GRID2: variants seen among roughly 807,000 people sequenced by gnomAD.
GRID2 encodes glutamate receptor ionotropic, delta-2.
In GRID2, 33 loss-of-function variants were observed where a neutral mutation model predicts 114.8. That is an observed-to-expected ratio of 0.29 (90% CI 0.22 to 0.38). GRID2 has a LOEUF of 0.38. Ranked by LOEUF, GRID2 falls within the 10% of genes least tolerant of loss-of-function variation. The probability of loss-of-function intolerance (pLI) is 1.00; values close to 1 mark genes in which losing one functional copy is unlikely to be tolerated. For synonymous variants in GRID2, 505 were observed against 449.9 expected (o/e 1.12, Z -1.55); for missense variants, 1,184 against 1,257.7 (o/e 0.94, Z 0.89).
chr4:93,595,402 C>T (rs944041322), intron 13 of GRID2, among the ~76,000 whole-genome samples: 7 of 152,162 alleles, frequency 4.6e-5, no homozygotes, highest in African/African-American at 1.7e-4. Context: ...GAGCCAAACC[C>T]AGCCCTGTAT....
chr4:93,437,675 C>T (rs1163308912), intron 10 of GRID2, among the ~76,000 whole-genome samples: 1 of 152,102 alleles, frequency 6.6e-6, no homozygotes, highest in East Asian at 1.9e-4. Context: ...GAAAGGACTG[C>T]AATATACTGT....
At chr4:92,321,086 A>C (rs1233738266) in intron 1 of GRID2, among the ~76,000 whole-genome samples, 1 of 152,204 alleles carries the variant, frequency 6.6e-6, no homozygotes, top group Non-Finnish European at 1.5e-5. Flanking sequence ...TATGTTTTAT[A>C]GAATTTTGTG....
At chr4:93,482,744 A>C (rs894532902) in intron 11 of GRID2, among the ~76,000 whole-genome samples, 1 of 152,126 alleles carries the variant, frequency 6.6e-6, no homozygotes, top group Non-Finnish European at 1.5e-5. Flanking sequence ...TTGTAAATGG[A>C]ACAACTTACT....
intron 13 of GRID2, among the ~76,000 whole-genome samples, chr4:93,613,804 G>T (rs1472222850): frequency 6.6e-6 from 1 of 151,822 alleles, no homozygotes; most frequent in African/African-American, 2.4e-5. Flanking sequence ...AGCCTACAGA[G>T]GCAGGCAGGC....
At chr4:92,497,546 A>T (rs1425478425) in intron 1 of GRID2, among the ~76,000 whole-genome samples, 2 of 151,902 alleles carry the variant, frequency 1.3e-5, no homozygotes, top group East Asian at 3.9e-4. Flanking sequence ...AGATTGAATG[A>T]TCTTTTACAG....
chr4:93,424,476 T>A lies in GRID2; in HGVS notation c.1545+1508T>A, dbSNP rs150629976. On this transcript the variant is annotated intron_variant, in intron 10 of 15. Transcript: ENST00000282020. ...CAAACTCTGAATTTACAGGGTTTTT[T>A]AATGTTCATCATTTTAAAGTTGTGA... 5.1e-3 allele frequency among the ~76,000 whole-genome samples: 771 copies of A among 152,290 alleles called. 4 individuals carry two copies. Among genetic ancestry groups the A allele is most frequent in the African/African-American group, 0.017 (724 of 41,582 alleles).
intron 1 of GRID2, among the ~76,000 whole-genome samples, chr4:92,469,252 G>A (rs567124088): frequency 1.2e-4 from 18 of 151,966 alleles, no homozygotes; most frequent in South Asian, 4.2e-4. Context: ...TTTGTTTTTC[G>A]TTAAAAGATA....
chr4:92,748,642 T>G, intron 2 of GRID2, among the ~76,000 whole-genome samples: 1 of 134,264 alleles, frequency 7.4e-6, no homozygotes. Context: ...GTATTATTAT[T>G]ATTATTATTA....
intron 2 of GRID2, among the ~76,000 whole-genome samples, chr4:92,970,428 T>C (rs559355311): frequency 6.6e-6 from 1 of 152,122 alleles, no homozygotes; most frequent in Non-Finnish European, 1.5e-5. Context: ...AAAACTGCAA[T>C]TACTTTTGCG....
At chr4:93,468,329 A>T (rs980156832) in intron 11 of GRID2, among the ~76,000 whole-genome samples, 4 of 152,100 alleles carry the variant, frequency 2.6e-5, no homozygotes, top group African/African-American at 4.8e-5. Context: ...CATGGAGCTC[A>T]TCTTCTAGTA....
intron 10 of GRID2, among the ~76,000 whole-genome samples, chr4:93,437,646 T>C (rs1009731226): frequency 6.6e-6 from 1 of 152,128 alleles, no homozygotes; most frequent in African/African-American, 2.4e-5. Context: ...CTTCTTTCCA[T>C]AAAAAATTAA....
At chr4:93,781,382 C>T (rs1418530126) in intron 1 of GRID2, among the ~76,000 whole-genome samples, 1 of 149,232 alleles carries the variant, frequency 6.7e-6, no homozygotes, top group African/African-American at 2.5e-5. Flanking sequence ...ACCTGCTGGG[C>T]TGCGGTGAGG....
intron 2 of GRID2, among the ~76,000 whole-genome samples, chr4:92,755,855 G>A (rs922061214): frequency 1.3e-5 from 2 of 152,084 alleles, no homozygotes; most frequent in African/African-American, 4.8e-5. Context: ...CATAAAATTT[G>A]TTCATATCTG....
intron 14 of GRID2, among the ~76,000 whole-genome samples, chr4:93,730,315 C>T (rs1408411082): frequency 6.6e-6 from 1 of 152,120 alleles, no homozygotes; most frequent in African/African-American, 2.4e-5. Flanking sequence ...ATGAGTGCAG[C>T]CTAGATAGTA....
intron 2 of GRID2, among the ~76,000 whole-genome samples, chr4:92,716,650 C>T (rs1735565718): frequency 6.6e-6 from 1 of 152,176 alleles, no homozygotes; most frequent in Non-Finnish European, 1.5e-5. Flanking sequence ...TCCCACAGCA[C>T]TGGGACCCTT....
rs190863680 is a variant in GRID2, at chr4:93,059,283, T to A, written c.245-25712T>A. Among the ~76,000 whole-genome samples, 336 of 152,282 alleles carry A rather than the reference T, an allele frequency of 2.2e-3. 2 individuals are homozygous for A. The highest frequency in any genetic ancestry group is 7.9e-3 in the African/African-American group (327 of 41,588). On this transcript the variant is annotated intron_variant, in intron 2 of 15. Coordinates refer to ENST00000282020, the MANE Select transcript of GRID2 (RefSeq NM_001510.4). The stretch of plus-strand genomic sequence containing the variant: ...GATTTCTCCAACTTTTATTGAAGTC[T>A]GAAATGAGAAATTCAAATTATTTGG...
At chr4:93,314,488 A>G (rs981615767) in intron 8 of GRID2, among the ~76,000 whole-genome samples, 3 of 151,992 alleles carry the variant, frequency 2.0e-5, no homozygotes, top group Admixed American at 1.3e-4. Context: ...TGTTCACTGG[A>G]ACATTCTCTT....
intron 1 of GRID2, among the ~76,000 whole-genome samples, chr4:92,434,988 T>A (rs574474184): frequency 6.6e-6 from 1 of 152,212 alleles, no homozygotes; most frequent in Admixed American, 6.5e-5. Flanking sequence ...ACTTTTATAC[T>A]ATGAAGGCTA....
At chr4:92,331,958 C>G (rs4524349) in intron 1 of GRID2, among the ~76,000 whole-genome samples, 68,261 of 151,918 alleles carry the variant, frequency 0.45, 16,983 homozygotes, top group East Asian at 0.77. Flanking sequence ...TGTGACCCAG[C>G]CTTCATTAAA....
Sources: gnomAD v4.1 joint callset for allele counts (sites outside exome capture counted in the v4.1 genomes callset) on GRCh38, gnomAD v4.1.1 for gene constraint, MANE v1.5 for transcripts, NCBI Gene and HGNC (gene_info 2026-07-23, HGNC 2026-07-21) for gene names.